ZFAND6: variants seen among roughly 807,000 people sequenced by gnomAD.
ZFAND6 encodes the protein zinc finger AN1-type containing 6.
ZFAND6 carries 12 observed loss-of-function variants against 24.5 expected under a neutral mutation model. That is an observed-to-expected ratio of 0.49 (90% CI 0.31 to 0.79). The LOEUF (loss-of-function observed/expected upper bound fraction) is 0.79, where lower values mean the gene tolerates loss of function less well. Ranked by LOEUF, ZFAND6 falls within the 30% of genes least tolerant of loss-of-function variation. The pLI, the probability that ZFAND6 is intolerant of heterozygous loss-of-function variation, is 0.04. For missense variants in ZFAND6, 207 were observed against 245.9 expected (o/e 0.84, Z 1.06); for synonymous variants, 92 against 81.5 (o/e 1.13, Z -0.69).
At chr15:80,127,589 CAAAAAAAA>C (rs55872915) in intron 5 of ZFAND6, among the ~76,000 whole-genome samples, 7 of 120,074 alleles carry the variant, frequency 5.8e-5, no homozygotes, top group Non-Finnish European at 8.3e-5. Context: ...AACTCCATCT[CAAAAAAAA>C]AAAAAAAAAA....
intron 1 of ZFAND6, among the ~76,000 whole-genome samples, chr15:80,071,645 T>C (rs1185509767): frequency 1.3e-5 from 2 of 152,028 alleles, no homozygotes; most frequent in Non-Finnish European, 2.9e-5. Context: ...AAAAATATTA[T>C]TTAACGTAGC....
chr15:80,131,340 TAATG>T, intron 6 of ZFAND6, 47 bp downstream of exon 6: 1 of 1,509,016 alleles, frequency 6.6e-7, no homozygotes, highest in Non-Finnish European at 9.2e-7. Context: ...TGTTTTATAA[TAATG>T]CATAGCTTAC....
chr15:80,086,662 T>C (rs535866543), intron 1 of ZFAND6, among the ~76,000 whole-genome samples: 1 of 152,340 alleles, frequency 6.6e-6, no homozygotes, highest in South Asian at 2.1e-4. Flanking sequence ...TTTATTGTGA[T>C]AAAATATACA....
intron 2 of ZFAND6, among the ~76,000 whole-genome samples, chr15:80,102,473 G>A (rs946111949): frequency 1.3e-5 from 2 of 152,186 alleles, no homozygotes; most frequent in Non-Finnish European, 2.9e-5. Flanking sequence ...TGCAAGTATT[G>A]AAGTCTGTCA....
intron 6 of ZFAND6, among the ~76,000 whole-genome samples, chr15:80,134,387 A>C (rs2040761460): frequency 2.0e-5 from 3 of 152,190 alleles, no homozygotes; most frequent in Non-Finnish European, 4.4e-5. Flanking sequence ...CTCCCAGAGA[A>C]GCATCTCTAA....
chr15:80,130,513 T>C (rs1192771145), intron 5 of ZFAND6: 1 of 152,174 alleles, frequency 6.6e-6, no homozygotes, highest in African/African-American at 2.4e-5. Context: ...ACAGCATTCA[T>C]GAGGGCTAGA....
chr15:80,067,326 T>C (rs1596178604), intron 1 of ZFAND6, among the ~76,000 whole-genome samples: 1 of 152,228 alleles, frequency 6.6e-6, no homozygotes, highest in Admixed American at 6.5e-5. Flanking sequence ...ATTTCTACTG[T>C]TTTCAGTTTT....
chr15:80,060,081 C>T (rs2036239636), intron 1 of ZFAND6: 1 of 151,782 alleles, frequency 6.6e-6, no homozygotes, highest in Non-Finnish European at 1.5e-5. Context: ...CCGGGGGCCG[C>T]TTCCTGTCAG....
chr15:80,088,630 T>C (rs1029419943), intron 1 of ZFAND6, among the ~76,000 whole-genome samples: 3 of 152,216 alleles, frequency 2.0e-5, no homozygotes, highest in African/African-American at 7.2e-5. Context: ...TTGACATAAT[T>C]TTGTGAGTTT....
chr15:80,102,308 C>CA (rs1414974098), intron 2 of ZFAND6, among the ~76,000 whole-genome samples: 3 of 151,806 alleles, frequency 2.0e-5, no homozygotes, highest in African/African-American at 7.3e-5. Flanking sequence ...AAAGTTTTAC[C>CA]ATGTTGGTCA....
chr15:80,114,121 A>AT (rs1001627364), intron 2 of ZFAND6, among the ~76,000 whole-genome samples: 1 of 152,208 alleles, frequency 6.6e-6, no homozygotes, highest in African/African-American at 2.4e-5. Context: ...TTTAGGAAGA[A>AT]TAGAGTAAGA....
intron 2 of ZFAND6, among the ~76,000 whole-genome samples, chr15:80,099,010 A>G (rs996607375): frequency 6.6e-6 from 1 of 152,034 alleles, no homozygotes; most frequent in Non-Finnish European, 1.5e-5. Context: ...GGAAATAATA[A>G]TTTAAATTAT....
chr15:80,089,664 A>G (rs1057047687), intron 1 of ZFAND6, among the ~76,000 whole-genome samples: 2 of 152,148 alleles, frequency 1.3e-5, no homozygotes, highest in African/African-American at 4.8e-5. Context: ...GATCACTTGT[A>G]TAGACTCCAT....
chr15:80,087,618 C>T (rs567836513), intron 1 of ZFAND6, among the ~76,000 whole-genome samples: 4 of 152,302 alleles, frequency 2.6e-5, no homozygotes, highest in Admixed American at 6.5e-5. Context: ...AGCTTTGAAT[C>T]TTTGCCCAGT....
intron 1 of ZFAND6, among the ~76,000 whole-genome samples, chr15:80,079,692 C>T (rs1438477785): frequency 2.0e-5 from 3 of 148,028 alleles, no homozygotes; most frequent in Admixed American, 6.7e-5. Flanking sequence ...CTGTGTCGCC[C>T]AGGCTGGAGT....
At chr15:80,102,138 A>G (rs1398281119) in intron 2 of ZFAND6, among the ~76,000 whole-genome samples, 1 of 150,150 alleles carries the variant, frequency 6.7e-6, no homozygotes, top group African/African-American at 2.4e-5. Flanking sequence ...ATTATAGTGT[A>G]GTTATTTTTA....
chr15:80,062,810 T>A (rs1446047429), intron 1 of ZFAND6, among the ~76,000 whole-genome samples: 1 of 152,218 alleles, frequency 6.6e-6, no homozygotes, highest in Non-Finnish European at 1.5e-5. Context: ...AGATAACTAT[T>A]ATTAACATTT....
chr15:80,068,139 T>TTTTGTTTG (rs1555426708), intron 1 of ZFAND6, among the ~76,000 whole-genome samples: 1 of 136,866 alleles, frequency 7.3e-6, no homozygotes, highest in Non-Finnish European at 1.6e-5. Flanking sequence ...TTTTTTTTTT[T>TTTTGTTTG]TTTGTTTGTT....
intron 2 of ZFAND6, among the ~76,000 whole-genome samples, chr15:80,101,315 T>A (rs1312474996): frequency 6.6e-6 from 1 of 152,014 alleles, no homozygotes; most frequent in African/African-American, 2.4e-5. Context: ...TACAAAAAAT[T>A]AGCCGGGCAT....
Sources: gnomAD v4.1 joint callset for allele counts (sites outside exome capture counted in the v4.1 genomes callset) on GRCh38, gnomAD v4.1.1 for gene constraint, MANE v1.5 for transcripts, NCBI Gene and HGNC (gene_info 2026-07-23, HGNC 2026-07-21) for gene names.